AKAP6: variants seen among roughly 807,000 people sequenced by gnomAD.
AKAP6 encodes the protein A-kinase anchor protein 6.
AKAP6 carries 58 observed loss-of-function variants against 188.5 expected under a neutral mutation model. The observed-to-expected ratio is 0.31, with a 90% confidence interval of 0.25 to 0.38. The LOEUF (loss-of-function observed/expected upper bound fraction) is 0.38, where lower values mean the gene tolerates loss of function less well. Among genes scored for constraint, AKAP6 ranks in the 10% least tolerant of loss-of-function variants. The pLI is 1.00. For synonymous variants in AKAP6, 989 were observed against 998.6 expected (o/e 0.99, Z 0.18); for missense variants, 2,710 against 2,740.0 (o/e 0.99, Z 0.24).
intron 2 of AKAP6, among the ~76,000 whole-genome samples, chr14:32,483,860 T>A (rs1400034714): frequency 6.6e-6 from 1 of 151,998 alleles, no homozygotes; most frequent in African/African-American, 2.4e-5. Context: ...ACATGGGCTA[T>A]GGTGGTGGCT....
intron 2 of AKAP6, among the ~76,000 whole-genome samples, chr14:32,446,015 C>T (rs1054615358): frequency 6.6e-6 from 1 of 152,100 alleles, no homozygotes; most frequent in South Asian, 2.1e-4. Context: ...AGGGAGAAAG[C>T]CTCACCTCAA....
chr14:32,358,679 G>C lies in AKAP6; in HGVS notation c.-35+29271G>C, dbSNP rs1408502483. On this transcript the variant is annotated intron_variant, in intron 1 of 13. Transcript: ENST00000280979. ...CTGAGGATACGTGCAGGTTGTAGAT[G>C]GGCTTGCTTACTTTGGAGCTCGGGT... Among the ~76,000 whole-genome samples the C allele has an allele frequency of 2.0e-5, 3 of 152,100 alleles. No individual in the cohort carries two copies. In the East Asian group the frequency reaches 5.8e-4, roughly 29 times the overall value.
intron 1 of AKAP6, among the ~76,000 whole-genome samples, chr14:32,335,731 T>G (rs1886669188): frequency 6.6e-6 from 1 of 152,098 alleles, no homozygotes; most frequent in South Asian, 2.1e-4. Context: ...TCTCTTGCCC[T>G]TTGTTTACTA....
chr14:32,458,993 C>T (rs1339672649), intron 2 of AKAP6, among the ~76,000 whole-genome samples: 4 of 152,124 alleles, frequency 2.6e-5, no homozygotes, highest in East Asian at 3.9e-4. Context: ...AGATATCCAT[C>T]GATTGGTGAA....
chr14:32,527,312 T>C (rs1244001753), intron 2 of AKAP6, among the ~76,000 whole-genome samples: 1 of 152,198 alleles, frequency 6.6e-6, no homozygotes, highest in African/African-American at 2.4e-5. Flanking sequence ...ATTGTCTAGA[T>C]ATACCAAAGT....
intron 2 of AKAP6, among the ~76,000 whole-genome samples, chr14:32,442,142 A>G (rs1890595872): frequency 1.3e-5 from 2 of 152,182 alleles, no homozygotes; most frequent in African/African-American, 2.4e-5. Flanking sequence ...AGTCTTACTT[A>G]TAGTATCTTA....
At chr14:32,434,104 A>G (rs1890306837) in intron 2 of AKAP6, 1 of 303,554 alleles carries the variant, frequency 3.3e-6, no homozygotes, top group East Asian at 5.6e-5. Flanking sequence ...TACACAGAAT[A>G]AAAGTATTTA....
intron 7 of AKAP6, among the ~76,000 whole-genome samples, chr14:32,672,184 AT>A (rs1314634214): frequency 2.0e-5 from 3 of 152,204 alleles, no homozygotes; most frequent in African/African-American, 4.8e-5. Context: ...TTAAGTATTA[AT>A]TTGTAGTCTG....
intron 11 of AKAP6, among the ~76,000 whole-genome samples, chr14:32,756,168 A>G (rs2032324702): frequency 6.6e-6 from 1 of 152,016 alleles, no homozygotes; most frequent in African/African-American, 2.4e-5. Flanking sequence ...CACTGGGATG[A>G]GCCTGGAGCT....
intron 1 of AKAP6, among the ~76,000 whole-genome samples, chr14:32,359,350 C>T (rs1238368275): frequency 6.6e-6 from 1 of 151,766 alleles, no homozygotes; most frequent in Non-Finnish European, 1.5e-5. Flanking sequence ...GTGTAAAATA[C>T]ATACAAAAAG....
intron 2 of AKAP6, among the ~76,000 whole-genome samples, chr14:32,504,351 G>A (rs1880756228): frequency 6.6e-6 from 1 of 152,074 alleles, no homozygotes; most frequent in South Asian, 2.1e-4. Flanking sequence ...CATGATCTTG[G>A]GTCATGGCAA....
intron 4 of AKAP6, among the ~76,000 whole-genome samples, chr14:32,552,449 A>T (rs1347882687): frequency 6.6e-6 from 1 of 152,242 alleles, no homozygotes; most frequent in African/African-American, 2.4e-5. Context: ...TATTAAATAC[A>T]TGGAGAGAGA....
chr14:32,500,373 C>T (rs1880547348), intron 2 of AKAP6, among the ~76,000 whole-genome samples: 1 of 152,136 alleles, frequency 6.6e-6, no homozygotes, highest in Admixed American at 6.6e-5. Flanking sequence ...ATGAATATTG[C>T]ATTATGTCTG....
chr14:32,540,164 CTCTCTATATA>C (rs1392845132), intron 3 of AKAP6, among the ~76,000 whole-genome samples: 9 of 97,470 alleles, frequency 9.2e-5, no homozygotes, highest in South Asian at 6.4e-4. Flanking sequence ...CTCTCTCTCT[CTCTCTATATA>C]TATATATATA....
chr14:32,745,421 G>GT (rs2031854251), intron 11 of AKAP6, among the ~76,000 whole-genome samples: 1 of 149,930 alleles, frequency 6.7e-6, no homozygotes, highest in African/African-American at 2.5e-5. Flanking sequence ...AGAGACTCTT[G>GT]TTTTTTTCCC....
At chr14:32,650,303 G>A (rs538660522) in intron 7 of AKAP6, among the ~76,000 whole-genome samples, 2 of 152,208 alleles carry the variant, frequency 1.3e-5, no homozygotes, top group Non-Finnish European at 2.9e-5. Context: ...ATACCAGTGC[G>A]GCATTCTGAC....
At chr14:32,582,363 C>T (rs8017828) in intron 5 of AKAP6, among the ~76,000 whole-genome samples, 5,237 of 150,678 alleles carry the variant, frequency 0.035, 272 homozygotes, top group African/African-American at 0.12. Context: ...CCGAGAGATC[C>T]GCTGTTAGTC....
intron 1 of AKAP6, among the ~76,000 whole-genome samples, chr14:32,350,728 A>G (rs541358548): frequency 6.6e-6 from 1 of 152,174 alleles, no homozygotes; most frequent in African/African-American, 2.4e-5. Flanking sequence ...TCTAAATATA[A>G]AATTATAACA....
intron 11 of AKAP6, among the ~76,000 whole-genome samples, chr14:32,745,461 T>TTCTCTCTCTCTCTCTCTCTCTCTC (rs71115094): frequency 2.1e-5 from 3 of 141,430 alleles, no homozygotes; most frequent in African/African-American, 5.2e-5. Context: ...TATTTATTCA[T>TTCTCTCTCTCTCTCTCTCTCTCTC]TCTCTCTCTC....
Sources: gnomAD v4.1 joint callset for allele counts (sites outside exome capture counted in the v4.1 genomes callset) on GRCh38, gnomAD v4.1.1 for gene constraint, MANE v1.5 for transcripts, NCBI Gene and HGNC (gene_info 2026-07-23, HGNC 2026-07-21) for gene names.